The following RASA3 variants were observed in gnomAD, a reference collection of about 807,000 sequenced individuals.
RASA3 encodes the protein ras GTPase-activating protein 3.
A neutral mutation model predicts 110.0 loss-of-function variants in RASA3; 73 were observed. The observed-to-expected ratio is 0.66, with a 90% confidence interval of 0.55 to 0.81. The LOEUF is 0.81. Among genes scored for constraint, RASA3 ranks in the 30% least tolerant of loss-of-function variants. RASA3 has a pLI of 0.00. For synonymous variants in RASA3, 500 were observed against 451.4 expected (o/e 1.11, Z -1.37); for missense variants, 976 against 1,113.2 (o/e 0.88, Z 1.75).
At chr13:114,047,178 C>T (rs1172181852) in intron 3 of RASA3, among the ~76,000 whole-genome samples, 2 of 152,194 alleles carry the variant, frequency 1.3e-5, no homozygotes, top group African/African-American at 2.4e-5. Context: ...TTGTGATAGA[C>T]TCGTATCCAG....
chr13:114,011,398 G>A lies in RASA3; in HGVS notation c.1513-150C>T. ...GAAACAGGGGTAGCGACGCAGATGG[G>A]ACTGGAGGGGGTGGGCGTCCCACAG... On this transcript the variant is annotated intron_variant, in intron 15 of 23. Coordinates refer to ENST00000334062, the MANE Select transcript of RASA3 (RefSeq NM_007368.4). This position sits in a 1 kb window ranked among gnomAD's most constrained non-coding sequence, Gnocchi z 4.8. 7.2e-6 allele frequency: 5 copies of A among 694,382 alleles called. No individual in the cohort carries two copies. The highest frequency in any genetic ancestry group is 1.3e-5 in the Non-Finnish European group (5 of 399,850). The allele number at this position is 694,382 out of a possible 1,614,324, so 43.0% of individuals were successfully genotyped here. A position where few individuals can be genotyped will look rare whatever the true frequency, so the allele number is the denominator to read the frequency against.
At chr13:114,066,662 G>A (rs534537965) in intron 2 of RASA3, among the ~76,000 whole-genome samples, 7 of 152,344 alleles carry the variant, frequency 4.6e-5, no homozygotes, top group South Asian at 2.1e-4. Flanking sequence ...CATGCTCTCC[G>A]CCGGCTGAGT....
At chr13:114,064,401 G>C (rs1453678822) in intron 2 of RASA3, among the ~76,000 whole-genome samples, 1 of 152,168 alleles carries the variant, frequency 6.6e-6, no homozygotes, top group Non-Finnish European at 1.5e-5. Context: ...TGCTGTTGTG[G>C]GGACTCCAGG....
At chr13:114,077,765 C>T in intron 1 of RASA3, 1 of 956,520 alleles carries the variant, frequency 1.0e-6, no homozygotes, top group Non-Finnish European at 1.2e-6. Flanking sequence ...CAAAACACAC[C>T]AGGTTCCTCC....
chr13:114,066,741 C>T (rs898801988), intron 2 of RASA3, among the ~76,000 whole-genome samples: 2 of 152,356 alleles, frequency 1.3e-5, no homozygotes, highest in East Asian at 1.9e-4. Flanking sequence ...CAGCATGACA[C>T]GGAAGGACAC....
chr13:114,023,650 T>C (rs1056694798), intron 8 of RASA3, among the ~76,000 whole-genome samples: 1 of 152,280 alleles, frequency 6.6e-6, no homozygotes, highest in Admixed American at 6.5e-5. Context: ...CTCTAAATCC[T>C]GGGCCTGAGA....
intron 1 of RASA3, among the ~76,000 whole-genome samples, chr13:114,078,141 G>A (rs2079723949): frequency 6.6e-6 from 1 of 152,164 alleles, no homozygotes; most frequent in South Asian, 2.1e-4. Context: ...GTCGCCCCGG[G>A]GCCTCGCCGT....
chr13:114,000,806 A>C lies in RASA3; in HGVS notation c.1849+20T>G, dbSNP rs977110181. 1.3e-6 allele frequency: 2 copies of C among 1,555,316 alleles called. No individual in the cohort carries two copies. The highest frequency in any genetic ancestry group is 1.8e-6 in the Non-Finnish European group (2 of 1,126,656). On this transcript the variant is annotated intron_variant, in intron 19 of 23. Transcript: ENST00000334062. ...CAGCACGCTCCAGCAAGAGCCAGGGAAAGCGACCTTGCTCCTTACCTTTGC... is the reference window on the plus strand; with the variant it reads ...CAGCACGCTCCAGCAAGAGCCAGGGCAAGCGACCTTGCTCCTTACCTTTGC...
At chr13:114,044,491 CCCGCCTCACTCGCTGAGCTCCCCCG>C (rs1406888394) in intron 3 of RASA3, among the ~76,000 whole-genome samples, 10 of 870 alleles carry the variant, frequency 0.011, 2 homozygotes, top group Admixed American at 0.028. Flanking sequence ...AGCCCCCCGC[CCCGCCTCACTCGCTGAGCTCCCCCG>C]CCGCCTCACT....
intron 2 of RASA3, among the ~76,000 whole-genome samples, chr13:114,066,719 G>A (rs767018465): frequency 5.3e-5 from 8 of 152,228 alleles, no homozygotes; most frequent in African/African-American, 7.2e-5. Flanking sequence ...ACACAGGTGC[G>A]CTCCTGTGAG....
chr13:114,088,140 TAAAAG>T (rs1335563605), intron 1 of RASA3, among the ~76,000 whole-genome samples: 3 of 148,072 alleles, frequency 2.0e-5, no homozygotes, highest in Non-Finnish European at 3.0e-5. Context: ...CAAAAAAAAA[TAAAAG>T]GAAAGAGAGA....
intron 20 of RASA3, 152 bp downstream of exon 20, chr13:113,999,433 C>T: frequency 4.6e-6 from 3 of 645,642 alleles, no homozygotes; most frequent in Admixed American, 2.5e-5. Context: ...CTCACCAGCA[C>T]CTGGTGAACA....
intron 23 of RASA3, among the ~76,000 whole-genome samples, chr13:113,981,378 G>A (rs1356218981): frequency 6.6e-6 from 1 of 152,238 alleles, no homozygotes; most frequent in South Asian, 2.1e-4. Flanking sequence ...GACTGCCAGA[G>A]CACGTGACAC....
intron 1 of RASA3, among the ~76,000 whole-genome samples, chr13:114,103,468 G>A (rs541483742): frequency 5.9e-4 from 89 of 152,024 alleles, no homozygotes; most frequent in African/African-American, 1.9e-3. Flanking sequence ...ACAGAACCAA[G>A]CCGCCGAGGA....
In RASA3 at chr13:114,056,546, C is replaced by A; in HGVS notation, c.174-4391G>T. On this transcript the variant is annotated intron_variant, in intron 2 of 23. Coordinates refer to ENST00000334062, the MANE Select transcript of RASA3 (RefSeq NM_007368.4). The surrounding 1 kb of genome is among the most constrained non-coding windows in gnomAD (Gnocchi z 5.7). ...CAGTTGCTCTGCCAAAGGCTCTGCACAAGTGGCTCCTCTCTCTGTAACTCT... is the reference window on the plus strand; with the variant it reads ...CAGTTGCTCTGCCAAAGGCTCTGCAAAAGTGGCTCCTCTCTCTGTAACTCT... 1.0e-6 allele frequency: 1 copy of A among 984,982 alleles called. No individual in the cohort carries two copies. Among genetic ancestry groups the A allele is most frequent in the Non-Finnish European group, 1.2e-6 (1 of 829,892 alleles). 61.0% of individuals were successfully genotyped at this position (984,982 alleles called of 1,614,324 possible). A position where few individuals can be genotyped will look rare whatever the true frequency, so the allele number is the denominator to read the frequency against.
intron 1 of RASA3, among the ~76,000 whole-genome samples, chr13:114,095,966 G>A (rs1180083609): frequency 6.6e-6 from 1 of 152,218 alleles, no homozygotes; most frequent in Admixed American, 6.5e-5. Context: ...ATAAAACCAC[G>A]ATCCTCTTTG....
At chr13:114,013,048 C>A in intron 15 of RASA3, 94 bp downstream of exon 15, 1 of 1,004,254 alleles carries the variant, frequency 1.0e-6, no homozygotes, top group South Asian at 1.6e-5. Flanking sequence ...CCACACTCCA[C>A]ACGGTCGGCC....
chr13:114,103,976 G>A (rs1364276177), intron 1 of RASA3, among the ~76,000 whole-genome samples: 1 of 57,594 alleles, frequency 1.7e-5, no homozygotes, highest in Non-Finnish European at 3.3e-5. Context: ...CGTCCACACT[G>A]CCGCCGGCCA....
intron 3 of RASA3, among the ~76,000 whole-genome samples, chr13:114,044,634 T>C (rs1400745948): frequency 6.9e-6 from 1 of 145,324 alleles, no homozygotes; most frequent in Non-Finnish European, 1.5e-5. Flanking sequence ...GCGTGGCTCT[T>C]GCATAACCTC....
Sources: gnomAD v4.1 joint callset for allele counts (sites outside exome capture counted in the v4.1 genomes callset) on GRCh38, gnomAD v4.1.1 for gene constraint, Gnocchi (gnomAD v3.1) non-coding constraint, MANE v1.5 for transcripts, NCBI Gene and HGNC (gene_info 2026-07-23, HGNC 2026-07-21) for gene names.